PTER: variants seen among roughly 807,000 people sequenced by gnomAD.
PTER encodes phosphotriesterase related, also known as N-acetyltaurine hydrolase.
In PTER, 38 loss-of-function variants were observed where a neutral mutation model predicts 29.6. The ratio of observed to expected loss-of-function variants is 1.28; its 90% CI spans 0.99 to 1.68. The LOEUF (loss-of-function observed/expected upper bound fraction) is 1.68, where lower values mean the gene tolerates loss of function less well. PTER is among the 40% of genes most tolerant of loss of function. The pLI is 0.00. For missense variants in PTER, 482 were observed against 427.8 expected (o/e 1.13, Z -1.12); for synonymous variants, 172 against 154.5 (o/e 1.11, Z -0.84).
intron 4 of PTER, 116 bp from the exon 5 acceptor site, chr10:16,510,930 G>A: frequency 1.2e-6 from 1 of 810,964 alleles, no homozygotes; most frequent in South Asian, 1.6e-5. Flanking sequence ...ACACGCCACA[G>A]TAGAAGTCAG....
At chr10:16,471,876 G>A (rs1256623416) in intron 1 of PTER, among the ~76,000 whole-genome samples, 1 of 152,194 alleles carries the variant, frequency 6.6e-6, no homozygotes, top group Admixed American at 6.5e-5. Context: ...TCTTAAGACA[G>A]ATTCTCACCA....
chr10:16,454,825 CTG>C (rs1207448186), intron 1 of PTER, among the ~76,000 whole-genome samples: 1 of 151,668 alleles, frequency 6.6e-6, no homozygotes, highest in African/African-American at 2.4e-5. Flanking sequence ...TAATAATAAA[CTG>C]ATAATAAGTA....
At chr10:16,514,301 G>A (rs953368192), downstream of PTER, 1 of 570,272 alleles carries the variant, frequency 1.8e-6, no homozygotes, top group East Asian at 2.8e-5. Flanking sequence ...ACGATAAGGA[G>A]TATTTGCTTT....
chr10:16,469,311 G>C (rs1040741942), intron 1 of PTER, among the ~76,000 whole-genome samples: 3 of 152,156 alleles, frequency 2.0e-5, no homozygotes, highest in African/African-American at 7.2e-5. Context: ...GTACTATCAG[G>C]CTCTATGTTC....
rs1191902733 is a variant in PTER at position 16,466,725 on chromosome 10, G to A, written c.-48-17612G>A. On this transcript the variant is annotated intron_variant, in intron 1 of 4. Coordinates refer to ENST00000535784, the MANE Select transcript of PTER (RefSeq NM_001261836.2). ...CAAGACTTTTCTTGGAGAGTCTACCGTGTGATCTTCAAAGGACCTGGGGAG... is the reference window on the plus strand; with the variant it reads ...CAAGACTTTTCTTGGAGAGTCTACCATGTGATCTTCAAAGGACCTGGGGAG... Among the ~76,000 whole-genome samples, 5 of 152,314 alleles carry A rather than the reference G, an allele frequency of 3.3e-5. 1 individual carries two copies. Among genetic ancestry groups the A allele is most frequent in the East Asian group, 3.9e-4 (2 of 5,188 alleles).
chr10:16,502,387 C>T (rs577796714), intron 3 of PTER, among the ~76,000 whole-genome samples: 1 of 152,006 alleles, frequency 6.6e-6, no homozygotes, highest in South Asian at 2.1e-4. Context: ...ATTCTTTCAG[C>T]CTAGTAATTT....
chr10:16,516,832 A>G (rs1368404212), downstream of PTER, among the ~76,000 whole-genome samples: 1 of 152,172 alleles, frequency 6.6e-6, no homozygotes, highest in African/African-American at 2.4e-5. Context: ...CACAGTTTCT[A>G]CCACCTTTGT....
intron 3 of PTER, among the ~76,000 whole-genome samples, chr10:16,504,288 A>G (rs970295975): frequency 7.2e-5 from 11 of 152,176 alleles, no homozygotes; most frequent in Non-Finnish European, 1.6e-4. Flanking sequence ...TACTTGTCTT[A>G]CATTTCTCTC....
intron 3 of PTER, among the ~76,000 whole-genome samples, chr10:16,495,914 C>A (rs1348326413): frequency 6.6e-6 from 1 of 152,188 alleles, no homozygotes; most frequent in Non-Finnish European, 1.5e-5. Context: ...GTGAGTTTCA[C>A]AGCCTGCTCC....
intron 1 of PTER, among the ~76,000 whole-genome samples, chr10:16,454,565 G>T (rs547727877): frequency 6.7e-6 from 1 of 150,026 alleles, no homozygotes; most frequent in South Asian, 2.1e-4. Context: ...AACAGAATGA[G>T]ACTCTCAAAA....
At chr10:16,505,625 A>G (rs1196009820) in intron 4 of PTER, among the ~76,000 whole-genome samples, 2 of 152,236 alleles carry the variant, frequency 1.3e-5, no homozygotes, top group African/African-American at 4.8e-5. Flanking sequence ...TAAAGACTAA[A>G]TATTATGTAA....
At chr10:16,454,019 A>C (rs1456009886) in intron 1 of PTER, among the ~76,000 whole-genome samples, 2 of 152,214 alleles carry the variant, frequency 1.3e-5, no homozygotes, top group African/African-American at 4.8e-5. Context: ...ACATTTATGC[A>C]GTTGGTAAAG....
At chr10:16,446,903 C>T (rs1457233971) in intron 1 of PTER, among the ~76,000 whole-genome samples, 1 of 152,022 alleles carries the variant, frequency 6.6e-6, no homozygotes, top group Non-Finnish European at 1.5e-5. Flanking sequence ...ATTCTCATGC[C>T]TCAGCCTCCC....
chr10:16,454,466 C>T (rs1179861015), intron 1 of PTER, among the ~76,000 whole-genome samples: 1 of 151,740 alleles, frequency 6.6e-6, no homozygotes. Flanking sequence ...ATCCCAGATA[C>T]TTAGGAGGCT....
At chr10:16,471,807 A>G (rs2133418069) in intron 1 of PTER, among the ~76,000 whole-genome samples, 1 of 152,362 alleles carries the variant, frequency 6.6e-6, no homozygotes, top group Admixed American at 6.5e-5. Context: ...GTTGCCATCT[A>G]TATAATGCCA....
chr10:16,501,328 TACACACACACAC>T (rs35321143), intron 3 of PTER, among the ~76,000 whole-genome samples: 8 of 117,154 alleles, frequency 6.8e-5, no homozygotes, highest in Middle Eastern at 4.2e-3. Context: ...AATGAATAAC[TACACACACACAC>T]ACACACACAC....
intron 1 of PTER, among the ~76,000 whole-genome samples, chr10:16,470,784 A>T (rs1194038523): frequency 6.6e-6 from 1 of 152,074 alleles, no homozygotes; most frequent in East Asian, 1.9e-4. Context: ...AACAAAAAAA[A>T]TTCTTCTTAT....
At chr10:16,493,104 C>G (rs1189521295) in intron 3 of PTER, among the ~76,000 whole-genome samples, 1 of 152,206 alleles carries the variant, frequency 6.6e-6, no homozygotes, top group Non-Finnish European at 1.5e-5. Flanking sequence ...AACCCACTCT[C>G]TGCCTTCAAA....
At position 16,484,591 on chromosome 10, in the gene PTER, A is replaced by T; in HGVS notation, c.207A>T (p.Glu69Asp). 1 of 1,614,130 alleles carries T rather than the reference A, an allele frequency of 6.2e-7. No individual in the cohort carries two copies. The highest frequency in any genetic ancestry group is 8.5e-7 in the Non-Finnish European group (1 of 1,180,020). ...AGAAAAACGCCTATTCCCATAAAGA[A>T]AACCTTCAATTAAATCAGGAGACAG... is the stretch of plus-strand genomic sequence containing the variant. ...WIQKNAYSHK[E>D]NLQLNQETEA... Residue 69 changes from glutamate (E) to aspartate (D), a missense_variant, in exon 2 of 5, where the codon GAA becomes GAT. Coordinates refer to ENST00000535784, the MANE Select transcript of PTER (RefSeq NM_001261836.2).
Sources: gnomAD v4.1 joint callset for allele counts (sites outside exome capture counted in the v4.1 genomes callset) on GRCh38, gnomAD v4.1.1 for gene constraint, MANE v1.5 for transcripts, NCBI Gene and HGNC (gene_info 2026-07-23, HGNC 2026-07-21) for gene names.